Variants in CCDC85A observed in about 807,000 individuals in gnomAD.
CCDC85A encodes the protein coiled-coil domain-containing protein 85A.
A neutral mutation model predicts 50.2 loss-of-function variants in CCDC85A; 38 were observed. The ratio of observed to expected loss-of-function variants is 0.76; its 90% CI spans 0.58 to 0.99. The LOEUF is 0.99. Ranked by LOEUF, CCDC85A falls within the 50% of genes least tolerant of loss-of-function variation. The pLI is 0.00. For synonymous variants in CCDC85A, 366 were observed against 301.4 expected, an observed-to-expected ratio of 1.21 and a Z score of -2.22; for missense variants, 820 against 742.0, an observed-to-expected ratio of 1.11 and a Z score of -1.22.
intron 1 of CCDC85A, among the ~76,000 whole-genome samples, chr2:56,189,724 C>A (rs959102888): frequency 1.6e-4 from 24 of 152,070 alleles, no homozygotes; most frequent in Non-Finnish European, 2.9e-4. Context: ...AGTTTTTTAA[C>A]CCTTACCTCC....
At chr2:56,337,016 T>G (rs1371801240) in intron 2 of CCDC85A, among the ~76,000 whole-genome samples, 1 of 152,260 alleles carries the variant, frequency 6.6e-6, no homozygotes, top group Non-Finnish European at 1.5e-5. Flanking sequence ...TCCCCATTGT[T>G]AGCAACCAAG....
intron 2 of CCDC85A, among the ~76,000 whole-genome samples, chr2:56,322,376 AT>A (rs1239223768): frequency 1.3e-5 from 2 of 152,150 alleles, no homozygotes; most frequent in Non-Finnish European, 2.9e-5. Flanking sequence ...ATGGGAGAAA[AT>A]TTTTGCAATC....
At chr2:56,329,955 T>TG (rs1341922075) in intron 2 of CCDC85A, among the ~76,000 whole-genome samples, 1 of 85,686 alleles carries the variant, frequency 1.2e-5, no homozygotes, top group African/African-American at 6.2e-5. Context: ...GTTTTTTTTT[T>TG]TTTTTTTTTT....
At chr2:56,346,568 G>A (rs1674642674) in intron 3 of CCDC85A, among the ~76,000 whole-genome samples, 1 of 152,168 alleles carries the variant, frequency 6.6e-6, no homozygotes, top group Non-Finnish European at 1.5e-5. Flanking sequence ...ACTGTGTCCT[G>A]CAAGAATCAC....
At chr2:56,377,636 A>G (rs1312207430) in intron 5 of CCDC85A, among the ~76,000 whole-genome samples, 1 of 152,064 alleles carries the variant, frequency 6.6e-6, no homozygotes, top group Non-Finnish European at 1.5e-5. Flanking sequence ...TTCATACAAA[A>G]TTTTATCTCT....
chr2:56,279,335 A>G (rs753486739), intron 2 of CCDC85A, among the ~76,000 whole-genome samples: 3 of 152,190 alleles, frequency 2.0e-5, no homozygotes, highest in Non-Finnish European at 4.4e-5. Context: ...TTGTTCACAG[A>G]GTTGTACAAC....
intron 2 of CCDC85A, among the ~76,000 whole-genome samples, chr2:56,339,676 C>T (rs1674259812): frequency 1.3e-5 from 2 of 152,014 alleles, no homozygotes; most frequent in African/African-American, 4.8e-5. Flanking sequence ...AAGAAAATAA[C>T]TTTATTTTTG....
rs1553402000 is a variant in CCDC85A, at chr2:56,266,583, C to CCT, written c.1240+73144_1240+73145insTC. ...TTGTCAATTAACAATAACGCGCCCCCCCCCCCCATAATCTTCTTCCTCCAA... is the reference window on the plus strand; with the variant it reads ...TTGTCAATTAACAATAACGCGCCCCCCTCCCCCCCATAATCTTCTTCCTCCAA... On this transcript the variant is annotated intron_variant, in intron 2 of 5. Transcript: ENST00000407595. Among the ~76,000 whole-genome samples, 3 of 130,086 alleles carry CCT rather than the reference C, an allele frequency of 2.3e-5. 1 individual carries two copies. The South Asian group carries it at 9.4e-4, about 41-fold the overall frequency. 85.3% of individuals were successfully genotyped at this position (130,086 alleles called of 152,430 possible).
chr2:56,340,541 A>C (rs920265748), intron 2 of CCDC85A, among the ~76,000 whole-genome samples: 1 of 152,166 alleles, frequency 6.6e-6, no homozygotes, highest in African/African-American at 2.4e-5. Flanking sequence ...CAGAAGAAGA[A>C]GCCGAGGCAA....
At chr2:56,290,859 G>A (rs993278188) in intron 2 of CCDC85A, among the ~76,000 whole-genome samples, 1 of 152,074 alleles carries the variant, frequency 6.6e-6, no homozygotes, top group African/African-American at 2.4e-5. Context: ...CTTTTGCCAC[G>A]AGCTTGGAAA....
In CCDC85A at chr2:56,240,768, T is replaced by C. The variant is rs1200547354; in HGVS notation, c.1240+47328T>C. Among the ~76,000 whole-genome samples the C allele has an allele frequency of 3.3e-5, 5 of 152,320 alleles. No individual in the cohort carries two copies. The South Asian group carries it at 1.0e-3, about 32-fold the overall frequency. On this transcript the variant is annotated intron_variant, in intron 2 of 5. Coordinates refer to ENST00000407595, the MANE Select transcript of CCDC85A (RefSeq NM_001080433.2). ...ATAATAGGCCAATGCATGGATAATATACCATTCATCAATTGATGAAAATTT... is the reference window on the plus strand; with the variant it reads ...ATAATAGGCCAATGCATGGATAATACACCATTCATCAATTGATGAAAATTT...
chr2:56,312,585 G>A (rs938679512), intron 2 of CCDC85A, among the ~76,000 whole-genome samples: 1 of 151,932 alleles, frequency 6.6e-6, no homozygotes, highest in East Asian at 1.9e-4. Flanking sequence ...TTGCTTTTAT[G>A]ACATTATAGA....
At chr2:56,282,016 G>C (rs1480380654) in intron 2 of CCDC85A, among the ~76,000 whole-genome samples, 1 of 152,004 alleles carries the variant, frequency 6.6e-6, no homozygotes, top group African/African-American at 2.4e-5. Flanking sequence ...GATTGCAAAT[G>C]TTATTCCCTA....
intron 2 of CCDC85A, among the ~76,000 whole-genome samples, chr2:56,229,919 G>A (rs1044330292): frequency 7.9e-5 from 12 of 152,296 alleles, no homozygotes; most frequent in African/African-American, 2.9e-4. Context: ...GCATAAGCAG[G>A]ATATAGATGA....
chr2:56,363,412 A>G (rs1356481883), intron 3 of CCDC85A, among the ~76,000 whole-genome samples: 1 of 152,200 alleles, frequency 6.6e-6, no homozygotes, highest in Non-Finnish European at 1.5e-5. Flanking sequence ...AGCAGGTGGC[A>G]TGGGTAGACC....
At chr2:56,348,054 C>G (rs1409131194) in intron 3 of CCDC85A, among the ~76,000 whole-genome samples, 1 of 152,226 alleles carries the variant, frequency 6.6e-6, no homozygotes, top group Non-Finnish European at 1.5e-5. Flanking sequence ...TATTATTAAA[C>G]TATTCTCACC....
chr2:56,373,648 A>G (rs951905317), intron 4 of CCDC85A, among the ~76,000 whole-genome samples: 4 of 152,230 alleles, frequency 2.6e-5, no homozygotes, highest in Non-Finnish European at 5.9e-5. Context: ...GAAAGTAAAA[A>G]CAGGAAGGAA....
chr2:56,226,158 A>T (rs913917795), intron 2 of CCDC85A, among the ~76,000 whole-genome samples: 5 of 152,228 alleles, frequency 3.3e-5, no homozygotes, highest in Non-Finnish European at 1.5e-5. Flanking sequence ...CTTTGTAGTC[A>T]AATGGACTTG....
chr2:56,196,670 G>T (rs1201014158), intron 2 of CCDC85A, among the ~76,000 whole-genome samples: 2 of 152,164 alleles, frequency 1.3e-5, no homozygotes, highest in Non-Finnish European at 2.9e-5. Flanking sequence ...AGCAATAGCT[G>T]TATTTGTTAT....
Sources: gnomAD v4.1 joint callset for allele counts (sites outside exome capture counted in the v4.1 genomes callset) on GRCh38, gnomAD v4.1.1 for gene constraint, MANE v1.5 for transcripts, NCBI Gene and HGNC (gene_info 2026-07-23, HGNC 2026-07-21) for gene names.